Variants in LRRTM3 observed in about 807,000 individuals in gnomAD.
LRRTM3 encodes the protein leucine rich repeat transmembrane neuronal 3.
Under a neutral mutation model 44.7 loss-of-function variants are expected in LRRTM3, and 24 were observed. That is an observed-to-expected ratio of 0.54 (90% CI 0.39 to 0.76). The LOEUF (loss-of-function observed/expected upper bound fraction) is 0.76, where lower values mean the gene tolerates loss of function less well. Ranked by LOEUF, LRRTM3 falls within the 30% of genes least tolerant of loss-of-function variation. The pLI is 0.00. For missense variants in LRRTM3, 587 were observed against 702.2 expected, an observed-to-expected ratio of 0.84 and a Z score of 1.85; for synonymous variants, 277 against 278.7, an observed-to-expected ratio of 0.99 and a Z score of 0.06.
chr10:67,020,376 C>T (rs1305683564), intron 2 of LRRTM3, among the ~76,000 whole-genome samples: 1 of 152,024 alleles, frequency 6.6e-6, no homozygotes, highest in Non-Finnish European at 1.5e-5. Flanking sequence ...ATAATATGTC[C>T]CTTCTGAGCT....
intron 2 of LRRTM3, among the ~76,000 whole-genome samples, chr10:67,054,225 T>C (rs7908101): frequency 0.14 from 21,534 of 152,110 alleles, 2,097 homozygotes; most frequent in African/African-American, 0.28. Flanking sequence ...AAAAAGGCTG[T>C]ACCCCAATAA....
intron 2 of LRRTM3, among the ~76,000 whole-genome samples, chr10:67,043,061 A>G (rs1405758369): frequency 1.3e-5 from 2 of 152,148 alleles, no homozygotes; most frequent in Non-Finnish European, 1.5e-5. Flanking sequence ...AAGTCAGGAA[A>G]TACAGATATA....
In LRRTM3 at chr10:66,927,856, T is replaced by G. The variant is rs781273962; in HGVS notation, c.940T>G (p.Trp314Gly). The G allele has an allele frequency of 6.2e-7, 1 of 1,614,250 alleles. No individual in the cohort carries two copies. Among genetic ancestry groups the G allele is most frequent in the Non-Finnish European group, 8.5e-7 (1 of 1,180,046 alleles). Reference protein sequence around the residue: ...LNDISLAGNIWECSRNICSLV... With the variant: ...LNDISLAGNIGECSRNICSLV... Reference sequence around the variant, plus strand: ...TGACATCAGTCTTGCTGGGAATATATGGGAATGCAGCAGAAATATTTGCTC... The same window carrying G: ...TGACATCAGTCTTGCTGGGAATATAGGGGAATGCAGCAGAAATATTTGCTC... Residue 314 changes from tryptophan (W) to glycine (G), a missense_variant, in exon 2 of 3, where the codon TGG becomes GGG. This residue lies in a region of LRRTM3 where 315 missense variants were observed against 335.6 expected (regional missense o/e 0.94). Coordinates refer to ENST00000361320, the MANE Select transcript of LRRTM3 (RefSeq NM_178011.5). The surrounding 1 kb of genome is among the most constrained non-coding windows in gnomAD (Gnocchi z 4.7).
intron 2 of LRRTM3, among the ~76,000 whole-genome samples, chr10:67,089,175 G>T (rs975384492): frequency 3.9e-5 from 6 of 151,968 alleles, no homozygotes; most frequent in African/African-American, 1.4e-4. Flanking sequence ...GATACTGAGG[G>T]AGGACTGTAC....
At chr10:66,980,814 T>C (rs1231882189) in intron 2 of LRRTM3, among the ~76,000 whole-genome samples, 1 of 152,208 alleles carries the variant, frequency 6.6e-6, no homozygotes, top group Non-Finnish European at 1.5e-5. Flanking sequence ...AATTTTGTAA[T>C]GGTCTGGAAT....
intron 2 of LRRTM3, among the ~76,000 whole-genome samples, chr10:67,076,516 C>T (rs974546523): frequency 2.6e-5 from 4 of 152,304 alleles, no homozygotes; most frequent in Admixed American, 2.6e-4. Context: ...CCAAGCCCTT[C>T]TTCTTATAAA....
chr10:66,949,390 C>A (rs1229462556), intron 2 of LRRTM3, among the ~76,000 whole-genome samples: 2 of 152,022 alleles, frequency 1.3e-5, no homozygotes, highest in Admixed American at 6.6e-5. Context: ...AACCCCGTCT[C>A]TACTAAAAAA....
chr10:66,971,828 A>G (rs1849739879), intron 2 of LRRTM3, among the ~76,000 whole-genome samples: 2 of 152,244 alleles, frequency 1.3e-5, no homozygotes, highest in African/African-American at 4.8e-5. Flanking sequence ...TAAATTAACA[A>G]TAGGTTCTTC....
At chr10:67,091,043 T>G (rs533435614) in intron 2 of LRRTM3, among the ~76,000 whole-genome samples, 1 of 152,144 alleles carries the variant, frequency 6.6e-6, no homozygotes, top group East Asian at 1.9e-4. Context: ...TTAATATTAC[T>G]CAAATAATAC....
intron 2 of LRRTM3, among the ~76,000 whole-genome samples, chr10:67,084,424 A>C (rs1383213451): frequency 6.6e-6 from 1 of 151,986 alleles, no homozygotes; most frequent in Non-Finnish European, 1.5e-5. Flanking sequence ...TTTTAAAGCT[A>C]AATCTGAAGT....
At chr10:66,977,091 T>C (rs953670292) in intron 2 of LRRTM3, among the ~76,000 whole-genome samples, 26 of 152,012 alleles carry the variant, frequency 1.7e-4, no homozygotes, top group African/African-American at 6.3e-4. Context: ...AATGGGAAAA[T>C]AGATTAAGGC....
intron 2 of LRRTM3, among the ~76,000 whole-genome samples, chr10:67,033,049 G>T (rs1275482894): frequency 1.3e-5 from 2 of 152,044 alleles, no homozygotes; most frequent in Non-Finnish European, 2.9e-5. Flanking sequence ...AAGGAACAAA[G>T]ATAACAGCTA....
At chr10:67,027,721 GC>G (rs1395331725) in intron 2 of LRRTM3, among the ~76,000 whole-genome samples, 2 of 152,042 alleles carry the variant, frequency 1.3e-5, no homozygotes, top group Non-Finnish European at 2.9e-5. Flanking sequence ...GAGCCACCGT[GC>G]CCGGCTGACA....
At chr10:67,061,271 T>C (rs1011934933) in intron 2 of LRRTM3, among the ~76,000 whole-genome samples, 1 of 152,176 alleles carries the variant, frequency 6.6e-6, no homozygotes, top group Admixed American at 6.6e-5. Flanking sequence ...TATTAGCTTA[T>C]TGTCCTTCCT....
chr10:66,970,728 C>T (rs1849672953), intron 2 of LRRTM3, among the ~76,000 whole-genome samples: 1 of 152,076 alleles, frequency 6.6e-6, no homozygotes, highest in Non-Finnish European at 1.5e-5. Flanking sequence ...AAAAATCTTT[C>T]CTTATCTCCA....
chr10:66,951,211 G>A (rs972283531), intron 2 of LRRTM3, among the ~76,000 whole-genome samples: 6 of 151,652 alleles, frequency 4.0e-5, no homozygotes, highest in Non-Finnish European at 7.4e-5. Flanking sequence ...TGCCTCCTGG[G>A]TTCAAGCGAT....
chr10:66,928,071 C>T lies in LRRTM3; in HGVS notation c.1155C>T (p.Pro385=). 3 of 1,614,070 alleles carry T rather than the reference C, an allele frequency of 1.9e-6. No homozygotes were observed. Among genetic ancestry groups the T allele is most frequent in the Non-Finnish European group, 2.5e-6 (3 of 1,180,026 alleles). ...AGCCGACGTTTAAGCCCAAGCTCCC[C>T]AGGCCGAAGCATGAGAGCAAACCCC... ...LPKPTFKPKL[P]RPKHESKPPL... Residue 385 remains proline, a synonymous_variant, in exon 2 of 3, where the codon CCC becomes CCT. Coordinates refer to ENST00000361320, the MANE Select transcript of LRRTM3 (RefSeq NM_178011.5).
At chr10:67,024,902 G>A (rs560356108) in intron 2 of LRRTM3, among the ~76,000 whole-genome samples, 14 of 152,056 alleles carry the variant, frequency 9.2e-5, no homozygotes, top group South Asian at 2.1e-4. Context: ...GGGCCAAGGC[G>A]GGCGGATCAC....
At chr10:67,014,637 T>G (rs1171190964) in intron 2 of LRRTM3, among the ~76,000 whole-genome samples, 1 of 152,090 alleles carries the variant, frequency 6.6e-6, no homozygotes, top group Admixed American at 6.6e-5. Flanking sequence ...AAAGAAGAGA[T>G]GGTGGTAAGG....
Sources: allele counts gnomAD v4.1 joint callset (sites outside exome capture counted in the v4.1 genomes callset), GRCh38; gene constraint gnomAD v4.1.1; regional missense constraint gnomAD v4.1.1; non-coding constraint Gnocchi (gnomAD v3.1); transcripts MANE v1.5; gene names NCBI Gene and HGNC (gene_info 2026-07-23, HGNC 2026-07-21).